HSPB8: variants seen among roughly 807,000 people sequenced by gnomAD.
HSPB8 encodes the protein heat shock protein family B (small) member 8.
HSPB8 carries 9 observed loss-of-function variants against 16.5 expected under a neutral mutation model. The observed-to-expected ratio is 0.55, with a 90% CI of 0.33 to 0.95. HSPB8 has a LOEUF of 0.95. Ranked by LOEUF, HSPB8 falls within the 40% of genes least tolerant of loss-of-function variation. The pLI is 0.03. For synonymous variants in HSPB8, 99 were observed against 94.8 expected (o/e 1.04, Z -0.26); for missense variants, 238 against 251.2 (o/e 0.95, Z 0.35).
At chr12:119,193,588 T>C in intron 2 of HSPB8, 111 bp from the exon 3 acceptor site, 2 of 1,160,038 alleles carry the variant, frequency 1.7e-6, no homozygotes, top group Non-Finnish European at 2.5e-6. Context: ...CCCAACATTG[T>C]ATGTCCCCAA....
In HSPB8 at chr12:119,187,037, A is replaced by T; in HGVS notation, c.380A>T (p.Glu127Val). Residue 127 changes from glutamate (E) to valine (V), a missense_variant, in exon 2 of 3, where the codon GAG becomes GTG. By Grantham distance (121) the Glu-to-Val change is moderately radical. Transcript: ENST00000281938. ...GYVEVSGKHE[E>V]KQQEGGIVSK... The stretch of plus-strand genomic sequence containing the variant: ...TTCTTCCTTCCAGGCAAACATGAAG[A>T]GAAACAGCAAGAAGGTGGCATTGTT... The T allele has an allele frequency of 6.2e-7, 1 of 1,614,128 alleles. No homozygotes were observed. The highest frequency in any genetic ancestry group is 8.5e-7 in the Non-Finnish European group (1 of 1,179,998).
chr12:119,183,959 AT>A (rs1412477354), intron 1 of HSPB8, among the ~76,000 whole-genome samples: 1 of 152,230 alleles, frequency 6.6e-6, no homozygotes, highest in Non-Finnish European at 1.5e-5. Context: ...TTCCAAAGCC[AT>A]TCTGTGACTC....
At chr12:119,193,279 G>A (rs1334670078) in intron 2 of HSPB8, among the ~76,000 whole-genome samples, 1 of 152,124 alleles carries the variant, frequency 6.6e-6, no homozygotes, top group Admixed American at 6.6e-5. Flanking sequence ...CACCTTACTT[G>A]CGCTCTATAA....
rs1378433141 is a variant in HSPB8, at chr12:119,187,012, T to C, written c.368-13T>C. The C allele has an allele frequency of 1.2e-6, 2 of 1,613,802 alleles. No homozygotes were observed. Among genetic ancestry groups the C allele is most frequent in the South Asian group, 2.2e-5 (2 of 91,080 alleles). On this transcript the variant is annotated splice_polypyrimidine_tract_variant and intron_variant, in intron 1 of 2. Transcript: ENST00000281938. The stretch of plus-strand genomic sequence containing the variant: ...ACATAGATGCTGACACGCCACACTT[T>C]TCTTCCTTCCAGGCAAACATGAAGA...
Position 119,179,542 on chromosome 12 carries a change from C to T in HSPB8, c.230C>T (p.Ala77Val). 1 of 1,613,794 alleles carries T rather than the reference C, an allele frequency of 6.2e-7. No individual in the cohort carries two copies. Among genetic ancestry groups the T allele is most frequent in the Non-Finnish European group, 8.5e-7 (1 of 1,179,870 alleles). Reference protein sequence around the residue: ...GMVPRGPTATARFGVPAEGRT... With the variant: ...GMVPRGPTATVRFGVPAEGRT... ...GTGCCCCGGGGCCCCACTGCCACCG[C>T]CAGGTTTGGGGTGCCTGCCGAGGGC... The change falls in exon 1 of 3, where the codon GCC becomes GTC. Residue 77 changes from alanine to valine, a missense_variant. Ala to Val is a moderately conservative substitution (Grantham distance 64, BLOSUM62 0). Coordinates refer to ENST00000281938, the MANE Select transcript of HSPB8 (RefSeq NM_014365.3).
In HSPB8 at chr12:119,194,441, T is replaced by C. The variant is rs1020156446; in HGVS notation, c.*583T>C. 1 of 165,848 alleles carries C rather than the reference T, an allele frequency of 6.0e-6. No homozygotes were observed. The highest frequency in any genetic ancestry group is 2.4e-5 in the African/African-American group (1 of 41,590). The allele number at this position is 165,848 out of a possible 1,614,324, so 10.3% of individuals were successfully genotyped here. ...CTCTGCCCAGATGTGTCCAGCACGTTCTCAAAGTTTCCACATTAGCACTCC... is the reference window on the plus strand; with the variant it reads ...CTCTGCCCAGATGTGTCCAGCACGTCCTCAAAGTTTCCACATTAGCACTCC... On this transcript the variant is annotated 3_prime_UTR_variant, in exon 3 of 3. Transcript: ENST00000281938.
rs767880226 is a variant in HSPB8 at position 119,179,553 on chromosome 12, G to T, written c.241G>T (p.Val81Leu). The change falls in exon 1 of 3, where the codon GTG becomes TTG. Residue 81 changes from valine to leucine, a missense_variant. Coordinates refer to ENST00000281938, the MANE Select transcript of HSPB8 (RefSeq NM_014365.3). ...RGPTATARFG[V>L]PAEGRTPPPF... is the part of the protein sequence containing the mutation. ...CCCCACTGCCACCGCCAGGTTTGGG[G>T]TGCCTGCCGAGGGCAGGACCCCCCC... is the stretch of plus-strand genomic sequence containing the variant. The T allele has an allele frequency of 6.8e-6, 11 of 1,613,488 alleles. No homozygotes were observed.
intron 1 of HSPB8, among the ~76,000 whole-genome samples, chr12:119,182,459 C>T (rs757231423): frequency 3.3e-5 from 5 of 151,774 alleles, no homozygotes; most frequent in African/African-American, 9.7e-5. Flanking sequence ...GTCAACATGG[C>T]GAAACCCCGT....
intron 1 of HSPB8, among the ~76,000 whole-genome samples, chr12:119,181,652 G>A (rs1954638556): frequency 1.3e-5 from 2 of 152,116 alleles, no homozygotes; most frequent in African/African-American, 4.8e-5. Context: ...ATAGTGTCAG[G>A]CATCCAGGAA....
intron 1 of HSPB8, among the ~76,000 whole-genome samples, chr12:119,179,962 G>T (rs889677060): frequency 2.6e-5 from 4 of 152,138 alleles, no homozygotes; most frequent in African/African-American, 7.2e-5. Context: ...TTTTGACAGA[G>T]GGCATTTAAT....
Position 119,179,597 on chromosome 12 carries a change from C to T in HSPB8, c.285C>T (p.Pro95=). 6.2e-7 allele frequency: 1 copy of T among 1,609,602 alleles called. No homozygotes were observed. Among genetic ancestry groups the T allele is most frequent in the Non-Finnish European group, 8.5e-7 (1 of 1,177,622 alleles). The part of the protein sequence containing the change: ...GRTPPPFPGE[P]WKVCVNVHSF... ...CCCCCCCACCCTTCCCTGGGGAGCC[C>T]TGGAAAGTGTGTGTGAATGTGCACA... The change falls in exon 1 of 3, where the codon CCC becomes CCT. Residue 95 remains proline, a synonymous_variant. Coordinates refer to ENST00000281938, the MANE Select transcript of HSPB8 (RefSeq NM_014365.3).
rs1954615663 is a variant in HSPB8 at position 119,179,071 on chromosome 12, C to T, written c.-242C>T. ...CTTGCCGGTCTGTCGTGAGGCAGTGCGGACGGGGACCCTCTGGGATTCTGC... is the reference window on the plus strand; with the variant it reads ...CTTGCCGGTCTGTCGTGAGGCAGTGTGGACGGGGACCCTCTGGGATTCTGC... On this transcript the variant is annotated 5_prime_UTR_variant, in exon 1 of 3. Coordinates refer to ENST00000281938, the MANE Select transcript of HSPB8 (RefSeq NM_014365.3). 3 of 584,704 alleles carry T rather than the reference C, an allele frequency of 5.1e-6. No individual in the cohort carries two copies. Among genetic ancestry groups the T allele is most frequent in the Admixed American group, 5.5e-5 (2 of 36,310 alleles). 36.2% of individuals were successfully genotyped at this position (584,704 alleles called of 1,614,324 possible).
At chr12:119,193,597 A>C in intron 2 of HSPB8, 102 bp from the exon 3 acceptor site, 3 of 1,294,164 alleles carry the variant, frequency 2.3e-6, no homozygotes, top group Non-Finnish European at 3.3e-6. Context: ...GTATGTCCCC[A>C]AAGCCTAAGC....
At chr12:119,182,419 G>C (rs113905318) in intron 1 of HSPB8, among the ~76,000 whole-genome samples, 3,758 of 152,184 alleles carry the variant, frequency 0.025, 166 homozygotes, top group African/African-American at 0.086. Flanking sequence ...CGGGAGGATC[G>C]CTTAAGGTCA....
At chr12:119,190,740 A>C (rs764650743) in intron 2 of HSPB8, among the ~76,000 whole-genome samples, 1 of 152,216 alleles carries the variant, frequency 6.6e-6, no homozygotes, top group Non-Finnish European at 1.5e-5. Flanking sequence ...AATAAATCCA[A>C]TGAAAGCAAA....
At position 119,184,806 on chromosome 12, in the gene HSPB8, T is replaced by C. The variant is rs184074720; in HGVS notation, c.368-2219T>C. The stretch of plus-strand genomic sequence containing the variant: ...CAGGGCCACGAAGTTCTCGCCAACG[T>C]TGGAAACTCTTCAGCACCCCAAAGT... On this transcript the variant is annotated intron_variant, in intron 1 of 2. Coordinates refer to ENST00000281938, the MANE Select transcript of HSPB8 (RefSeq NM_014365.3). 5.1e-4 allele frequency among the ~76,000 whole-genome samples: 77 copies of C among 152,328 alleles called. No homozygotes were observed. In the Middle Eastern group the frequency reaches 0.01, roughly 20 times the overall value.
chr12:119,181,159 G>A (rs1266906639), intron 1 of HSPB8, among the ~76,000 whole-genome samples: 1 of 152,186 alleles, frequency 6.6e-6, no homozygotes, highest in African/African-American at 2.4e-5. Flanking sequence ...GAAAATCTGA[G>A]ACAGATCTCA....
rs1954728743 is a variant in HSPB8, at chr12:119,193,927, C to T, written c.*69C>T. 2.0e-6 allele frequency: 3 copies of T among 1,536,124 alleles called. No homozygotes were observed. The highest frequency in any genetic ancestry group is 2.2e-5 in the South Asian group (2 of 89,298). ...GCTTCTCTGATTCCAGGATACATTA[C>T]TTTAGCTGAACTCAGATTTAGTGCA... On this transcript the variant is annotated 3_prime_UTR_variant, in exon 3 of 3. Coordinates refer to ENST00000281938, the MANE Select transcript of HSPB8 (RefSeq NM_014365.3).
At chr12:119,183,696 A>G (rs1476746643) in intron 1 of HSPB8, among the ~76,000 whole-genome samples, 1 of 152,216 alleles carries the variant, frequency 6.6e-6, no homozygotes, top group Non-Finnish European at 1.5e-5. Context: ...CCCCAATCTA[A>G]GTAGGCAAAT....
Sources: allele counts gnomAD v4.1 joint callset (sites outside exome capture counted in the v4.1 genomes callset), GRCh38; gene constraint gnomAD v4.1.1; transcripts MANE v1.5; gene names NCBI Gene and HGNC (gene_info 2026-07-23, HGNC 2026-07-21).